Variants in LRP12 observed in about 807,000 individuals in gnomAD.
LRP12 encodes the protein low-density lipoprotein receptor-related protein 12.
Under a neutral mutation model 66.0 loss-of-function variants are expected in LRP12, and 14 were observed. The ratio of observed to expected loss-of-function variants is 0.21; its 90% CI spans 0.14 to 0.33. The LOEUF (loss-of-function observed/expected upper bound fraction) is 0.33. LRP12 is among the 10% of genes least tolerant of loss of function. The pLI is 1.00. For missense variants in LRP12, 889 were observed against 1,053.4 expected, an observed-to-expected ratio of 0.84 and a Z score of 2.16; for synonymous variants, 357 against 359.1, an observed-to-expected ratio of 0.99 and a Z score of 0.07.
chr8:104,562,755 T>C (rs1485255489), intron 1 of LRP12, among the ~76,000 whole-genome samples: 1 of 152,198 alleles, frequency 6.6e-6, no homozygotes, highest in Non-Finnish European at 1.5e-5. Context: ...AAAATTAACA[T>C]TTAATGTAGA....
chr8:104,545,936 T>G (rs1319979652), intron 1 of LRP12, among the ~76,000 whole-genome samples: 1 of 152,306 alleles, frequency 6.6e-6, no homozygotes, highest in Non-Finnish European at 1.5e-5. Context: ...ATAACACTTC[T>G]GCAAAGTAAC....
At chr8:104,498,177 T>C (rs1385838870) in intron 4 of LRP12, 101 bp from the exon 5 acceptor site, 5 of 1,196,338 alleles carry the variant, frequency 4.2e-6, no homozygotes, top group Non-Finnish European at 5.7e-6. Flanking sequence ...TAAATGTTCA[T>C]AAAGCCCAAG....
chr8:104,539,996 A>C lies in LRP12; in HGVS notation c.80-8033T>G, dbSNP rs896739979. ...GGAGGCCTCATTTTGCTTGTGTTAC[A>C]TGTCGGCAGGCCTAACATCTAGAAT... On this transcript the variant is annotated intron_variant, in intron 1 of 6. Coordinates refer to ENST00000276654, the MANE Select transcript of LRP12 (RefSeq NM_013437.5). Among the ~76,000 whole-genome samples, 4 of 152,260 alleles carry C rather than the reference A, an allele frequency of 2.6e-5. No individual in the cohort carries two copies. The South Asian group carries it at 8.3e-4, about 32-fold the overall frequency.
At chr8:104,576,840 T>C (rs1265052841) in intron 1 of LRP12, among the ~76,000 whole-genome samples, 2 of 152,192 alleles carry the variant, frequency 1.3e-5, no homozygotes, top group East Asian at 1.9e-4. Context: ...CCAAGATGCA[T>C]AGGTATGGTA....
intron 1 of LRP12, among the ~76,000 whole-genome samples, chr8:104,562,398 A>C (rs2140888048): frequency 6.6e-6 from 1 of 152,288 alleles, no homozygotes; most frequent in South Asian, 2.1e-4. Flanking sequence ...ATGTGACCAA[A>C]ACTGCAAACA....
At chr8:104,511,904 T>C (rs1418569571) in intron 2 of LRP12, among the ~76,000 whole-genome samples, 1 of 150,820 alleles carries the variant, frequency 6.6e-6, no homozygotes, top group Non-Finnish European at 1.5e-5. Flanking sequence ...CTTCTTTTTT[T>C]CTTTTTTTTT....
rs1352291440 is a variant in LRP12 at position 104,548,344 on chromosome 8, TAAA to T, written c.80-16384_80-16382del. On this transcript the variant is annotated intron_variant, in intron 1 of 6. Coordinates refer to ENST00000276654, the MANE Select transcript of LRP12 (RefSeq NM_013437.5). ...ATATAATATATATTATATAAATATATAAATATATAATATATATTATATAAATAT... is the reference window on the plus strand; with the variant it reads ...ATATAATATATATTATATAAATATATTATATAATATATATTATATAAATAT... Among the ~76,000 whole-genome samples, 330 of 36,606 alleles carry T rather than the reference TAAA, an allele frequency of 9.0e-3. 31 individuals carry two copies. Among genetic ancestry groups the T allele is most frequent in the African/African-American group, 0.044 (286 of 6,490 alleles). 24.0% of individuals were successfully genotyped at this position (36,606 alleles called of 152,430 possible).
chr8:104,569,320 T>C (rs193284228), intron 1 of LRP12, among the ~76,000 whole-genome samples: 19 of 152,280 alleles, frequency 1.2e-4, no homozygotes, highest in Admixed American at 1.2e-3. Flanking sequence ...TTTGGGCCAA[T>C]GCAAATATTT....
chr8:104,566,396 A>T, intron 1 of LRP12: 1 of 260,810 alleles, frequency 3.8e-6, no homozygotes, highest in African/African-American at 2.3e-5. Flanking sequence ...CCTTAGGGGA[A>T]GAGCCTCCTG....
chr8:104,533,373 T>A (rs1375389171), intron 1 of LRP12, among the ~76,000 whole-genome samples: 5 of 152,112 alleles, frequency 3.3e-5, no homozygotes, highest in Admixed American at 3.3e-4. Flanking sequence ...CTAAGAAGGT[T>A]TGCCAAAGGT....
chr8:104,569,932 C>T (rs1459534706), intron 1 of LRP12, among the ~76,000 whole-genome samples: 1 of 152,078 alleles, frequency 6.6e-6, no homozygotes, highest in Non-Finnish European at 1.5e-5. Context: ...CACAAATACT[C>T]CTAGAACTAA....
chr8:104,490,708 C>A lies in LRP12; in HGVS notation c.2545G>T (p.Glu849Ter). The change falls in exon 7 of 7, where the codon GAA (glutamate) becomes TAA (stop). Residue 849 changes from glutamate to a stop codon, truncating the protein, a stop_gained. Transcript: ENST00000276654. LOFTEE classifies it high-confidence loss of function. ...AACAAAGCCTCATCATCACTCGTTT[C>A]GTTTTTCAGTGTTACTTCTAAGCAA... ...DTCLEVTLKNETSDDEALLLC is the reference protein window; with the variant it reads ...DTCLEVTLKN 6.2e-7 allele frequency: 1 copy of A among 1,613,422 alleles called. No individual in the cohort carries two copies. Among genetic ancestry groups the A allele is most frequent in the Non-Finnish European group, 8.5e-7 (1 of 1,179,742 alleles).
At chr8:104,548,274 T>C (rs1175294101) in intron 1 of LRP12, among the ~76,000 whole-genome samples, 1 of 89,360 alleles carries the variant, frequency 1.1e-5, no homozygotes, top group Non-Finnish European at 1.8e-5. Context: ...ATGATATATA[T>C]TATATTAATA....
chr8:104,502,019 C>A lies in LRP12; in HGVS notation c.273-2500G>T, dbSNP rs189118381. On this transcript the variant is annotated intron_variant, in intron 3 of 6. Transcript: ENST00000276654. ...GTGTTTTCAAGTAGAAAATGAGATT[C>A]TTCTTTCTTACATTTATCTAGAACA... 3.9e-5 allele frequency among the ~76,000 whole-genome samples: 6 copies of A among 152,140 alleles called. No homozygotes were observed. In the East Asian group the frequency reaches 1.2e-3, roughly 29 times the overall value.
In LRP12 at chr8:104,497,158, A is replaced by C; in HGVS notation, c.1394T>G (p.Phe465Cys). 1 of 1,610,882 alleles carries C rather than the reference A, an allele frequency of 6.2e-7. No individual in the cohort carries two copies. The highest frequency in any genetic ancestry group is 8.5e-7 in the Non-Finnish European group (1 of 1,178,524). The change falls in exon 5 of 7, where the codon TTT becomes TGT. Residue 465 changes from phenylalanine to cysteine, a missense_variant. By Grantham distance (205) the Phe-to-Cys change is radical. Around this residue, in one of 3 missense-constraint regions of LRP12, gnomAD observed 800 missense variants for 964.5 expected, o/e 0.83. Transcript: ENST00000276654. This position sits in a 1 kb window ranked among gnomAD's most constrained non-coding sequence, Gnocchi z 4.3. ...TTGAGAATCACACACCCAACTTTCAAACACACAACGATTGTTTTTACAATG... is the reference window on the plus strand; with the variant it reads ...TTGAGAATCACACACCCAACTTTCACACACACAACGATTGTTTTTACAATG... ...NFHCKNNRCV[F>C]ESWVCDSQDD...
At chr8:104,531,872 T>C in intron 2 of LRP12, 35 bp downstream of exon 2, 5 of 1,380,104 alleles carry the variant, frequency 3.6e-6, no homozygotes, top group South Asian at 2.5e-5. Context: ...ATATAAGTCA[T>C]GCATGAAATT....
chr8:104,512,737 T>A (rs1324045025), intron 2 of LRP12, among the ~76,000 whole-genome samples: 1 of 152,150 alleles, frequency 6.6e-6, no homozygotes, highest in Non-Finnish European at 1.5e-5. Context: ...TAGGTGGTGC[T>A]CTTATACCAA....
chr8:104,536,055 T>C (rs775082897), intron 1 of LRP12, among the ~76,000 whole-genome samples: 8 of 152,146 alleles, frequency 5.3e-5, no homozygotes, highest in Middle Eastern at 3.4e-3. Flanking sequence ...TATATAAACA[T>C]ATAAACCAAA....
Position 104,588,710 on chromosome 8 carries a change from G to A in LRP12, c.79+109C>T, listed in dbSNP as rs1812376773. 5.9e-6 allele frequency: 5 copies of A among 843,848 alleles called. No homozygotes were observed. The South Asian group carries it at 8.5e-5, about 14-fold the overall frequency. The allele number at this position is 843,848 out of a possible 1,614,324, so 52.3% of individuals were successfully genotyped here. A position where few individuals can be genotyped will look rare whatever the true frequency, so the allele number is the denominator to read the frequency against. ...CTCACCGGTCTTTGTCCCGCCGGTA[G>A]CCAGGGTCTCCGCGGGAGTCTCCAG... is the stretch of plus-strand genomic sequence containing the variant. On this transcript the variant is annotated intron_variant, in intron 1 of 6. Transcript: ENST00000276654.
Sources: allele counts gnomAD v4.1 joint callset (sites outside exome capture counted in the v4.1 genomes callset), GRCh38; gene constraint gnomAD v4.1.1; regional missense constraint gnomAD v4.1.1; non-coding constraint Gnocchi (gnomAD v3.1); transcripts MANE v1.5; gene names NCBI Gene and HGNC (gene_info 2026-07-23, HGNC 2026-07-21).